The following HDAC4 variants were observed in gnomAD, a reference collection of about 807,000 sequenced individuals.
HDAC4 encodes the protein histone deacetylase A.
In HDAC4, 16 loss-of-function variants were observed where a neutral mutation model predicts 135.1. That is an observed-to-expected ratio of 0.12 (90% CI 0.08 to 0.18). The LOEUF (loss-of-function observed/expected upper bound fraction) is 0.18, where lower values mean the gene tolerates loss of function less well. Among genes scored for constraint, HDAC4 ranks in the 10% least tolerant of loss-of-function variants. The pLI, the probability that HDAC4 is intolerant of heterozygous loss-of-function variation, is 1.00. For synonymous variants in HDAC4, 685 were observed against 653.4 expected (o/e 1.05, Z -0.74); for missense variants, 1,143 against 1,511.8 (o/e 0.76, Z 4.05).
chr2:239,086,467 T>C lies in HDAC4; in HGVS notation c.2444+1092A>G, dbSNP rs955003019. ...GCTCTAACACGCGGATCTGACTGTC[T>C]CTCACGTACAATCTCTTCCCTGCAC... On this transcript the variant is annotated intron_variant, in intron 19 of 26. Coordinates refer to ENST00000543185, the MANE Select transcript of HDAC4 (RefSeq NM_001378414.1). Among the ~76,000 whole-genome samples, 3 of 151,844 alleles carry C rather than the reference T, an allele frequency of 2.0e-5. No individual in the cohort carries two copies. In the East Asian group the frequency reaches 5.8e-4, roughly 29 times the overall value.
intron 18 of HDAC4, among the ~76,000 whole-genome samples, chr2:239,088,203 C>T (rs2036170624): frequency 6.6e-6 from 1 of 152,222 alleles, no homozygotes; most frequent in Admixed American, 6.5e-5. Context: ...GTCAAAAATC[C>T]ATCTGCAAAC....
At chr2:239,251,166 C>T (rs1367231173) in intron 2 of HDAC4, among the ~76,000 whole-genome samples, 1 of 152,158 alleles carries the variant, frequency 6.6e-6, no homozygotes, top group African/African-American at 2.4e-5. Flanking sequence ...TTGGTACTAC[C>T]GAATAATATA....
chr2:239,273,114 G>A (rs2050146754), intron 2 of HDAC4, among the ~76,000 whole-genome samples: 1 of 152,090 alleles, frequency 6.6e-6, no homozygotes, highest in Non-Finnish European at 1.5e-5. Flanking sequence ...TGAGATGAGG[G>A]ATTATCAGAT....
At chr2:239,063,263 C>G (rs187556977) in intron 24 of HDAC4, among the ~76,000 whole-genome samples, 1 of 151,898 alleles carries the variant, frequency 6.6e-6, no homozygotes, top group African/African-American at 2.4e-5. Flanking sequence ...TGTGGTGGCG[C>G]GATCTCGGCT....
At chr2:239,381,165 G>A (rs766674646) in intron 1 of HDAC4, among the ~76,000 whole-genome samples, 5 of 152,194 alleles carry the variant, frequency 3.3e-5, no homozygotes, top group African/African-American at 9.6e-5. Context: ...TCCCGCGACC[G>A]CCTTCCTCAA....
chr2:239,365,625 C>A lies in HDAC4; in HGVS notation c.-219-12707G>T, dbSNP rs149424456. On this transcript the variant is annotated intron_variant, in intron 1 of 26. Transcript: ENST00000543185. The stretch of plus-strand genomic sequence containing the variant: ...ACAGGCCAGGGTCATCAGGGTCATG[C>A]ATGTGGCACCGAGGGACATGGACAG... 1.3e-3 allele frequency among the ~76,000 whole-genome samples: 204 copies of A among 152,350 alleles called. 4 individuals carry two copies. The highest frequency in any genetic ancestry group is 4.1e-3 in the Admixed American group (63 of 15,308).
chr2:239,186,606 G>C (rs1192570455), intron 4 of HDAC4: 2 of 152,274 alleles, frequency 1.3e-5, no homozygotes, highest in Non-Finnish European at 2.9e-5. Flanking sequence ...CCATCTCTCA[G>C]AGGGTGATGG....
At chr2:239,300,204 T>C (rs1264810272) in intron 2 of HDAC4, among the ~76,000 whole-genome samples, 2 of 152,158 alleles carry the variant, frequency 1.3e-5, no homozygotes, top group Non-Finnish European at 2.9e-5. Flanking sequence ...GCATCCCCTC[T>C]TTTTACCCCA....
intron 3 of HDAC4, among the ~76,000 whole-genome samples, chr2:239,223,383 C>T (rs944187021): frequency 2.6e-5 from 4 of 152,176 alleles, no homozygotes; most frequent in Admixed American, 6.5e-5. Context: ...TGGAGACCGG[C>T]GTGGGCTGCA....
intron 3 of HDAC4, among the ~76,000 whole-genome samples, chr2:239,236,104 G>A (rs978000588): frequency 3.9e-5 from 6 of 152,164 alleles, no homozygotes; most frequent in Non-Finnish European, 7.3e-5. Flanking sequence ...GATCACCACC[G>A]ATACTTTTTT....
At chr2:239,321,185 GC>G (rs1366752391) in intron 2 of HDAC4, among the ~76,000 whole-genome samples, 1 of 152,154 alleles carries the variant, frequency 6.6e-6, no homozygotes, top group Non-Finnish European at 1.5e-5. Context: ...TTAGCTTGCA[GC>G]CAGGCGCAGT....
intron 16 of HDAC4, chr2:239,102,530 A>C: frequency 1.9e-6 from 1 of 516,508 alleles, no homozygotes; most frequent in Admixed American, 3.2e-5. Context: ...CTAAACTCTG[A>C]TTCAAGATGC....
chr2:239,320,382 CAAA>C (rs11343522), intron 2 of HDAC4, among the ~76,000 whole-genome samples: 4 of 61,292 alleles, frequency 6.5e-5, no homozygotes, highest in African/African-American at 7.0e-5. Context: ...GACTTCATCT[CAAA>C]AAAAAAAAAA....
At chr2:239,328,890 G>A (rs1274281746) in intron 2 of HDAC4, among the ~76,000 whole-genome samples, 4 of 152,344 alleles carry the variant, frequency 2.6e-5, no homozygotes, top group South Asian at 2.1e-4. Flanking sequence ...GGTTTATGAC[G>A]ATTTACTGAC....
In HDAC4 at chr2:239,126,668, G is replaced by C. The variant is rs763722576; in HGVS notation, c.1321C>G (p.Leu441Val). The C allele has an allele frequency of 3.7e-6, 6 of 1,614,016 alleles. No homozygotes were observed. The South Asian group carries it at 4.4e-5, about 12-fold the overall frequency. ...TDWYLSGLGA[L>V]PLHAQSLVGA... Reference sequence around the variant, plus strand: ...ACCAAGGACTGTGCGTGGAGGGGCAGTGCTCCCAGGCCTGAAAGATACCAG... The same window carrying C: ...ACCAAGGACTGTGCGTGGAGGGGCACTGCTCCCAGGCCTGAAAGATACCAG... The change falls in exon 12 of 27, where the codon CTG (leucine) becomes GTG (valine). Residue 441 changes from leucine (L) to valine (V), a missense_variant. Transcript: ENST00000543185.
At chr2:239,176,590 G>T in intron 4 of HDAC4, 27 bp from the exon 5 acceptor site, 1 of 1,607,404 alleles carries the variant, frequency 6.2e-7, no homozygotes, top group Non-Finnish European at 8.5e-7. Context: ...GAGACAGACG[G>T]TCAGAGCCCA....
At chr2:239,067,356 G>A (rs2033643484) in intron 23 of HDAC4, among the ~76,000 whole-genome samples, 1 of 152,194 alleles carries the variant, frequency 6.6e-6, no homozygotes. Context: ...ACCCCAGGAG[G>A]GAATGCCTGG....
chr2:239,124,265 T>A (rs1365752145), intron 12 of HDAC4, among the ~76,000 whole-genome samples: 1 of 152,200 alleles, frequency 6.6e-6, no homozygotes, highest in Non-Finnish European at 1.5e-5. Flanking sequence ...ATTTTCACCA[T>A]CCCTAAGAAG....
chr2:239,090,915 C>A (rs190919161), intron 17 of HDAC4, among the ~76,000 whole-genome samples: 5 of 152,344 alleles, frequency 3.3e-5, no homozygotes, highest in Admixed American at 2.0e-4. Context: ...TAGTGACTTT[C>A]TCCTGTGCCG....
Sources: gnomAD v4.1 joint callset for allele counts (sites outside exome capture counted in the v4.1 genomes callset) on GRCh38, gnomAD v4.1.1 for gene constraint, MANE v1.5 for transcripts, NCBI Gene and HGNC (gene_info 2026-07-23, HGNC 2026-07-21) for gene names.